The following THSD7B variants were observed in gnomAD, a reference collection of about 807,000 sequenced individuals.
The protein encoded by THSD7B is thrombospondin type 1 domain containing 7B, also known as thrombospondin type-1 domain-containing protein 7B.
Under a neutral mutation model 213.6 loss-of-function variants are expected in THSD7B, and 138 were observed. That is an observed-to-expected ratio of 0.65 (90% CI 0.56 to 0.74). THSD7B has a LOEUF of 0.74. THSD7B is among the 30% of genes least tolerant of loss of function. The pLI is 0.00. For missense variants in THSD7B, 1,931 were observed against 1,991.5 expected, an observed-to-expected ratio of 0.97 and a Z score of 0.58; for synonymous variants, 742 against 687.0, an observed-to-expected ratio of 1.08 and a Z score of -1.25.
chr2:137,110,247 G>T (rs1688324230), intron 4 of THSD7B, among the ~76,000 whole-genome samples: 1 of 152,142 alleles, frequency 6.6e-6, no homozygotes, highest in South Asian at 2.1e-4. Flanking sequence ...CTGTGTCTCT[G>T]TTGTCCTCGG....
At chr2:137,153,425 A>G (rs1437856197) in intron 5 of THSD7B, among the ~76,000 whole-genome samples, 1 of 152,178 alleles carries the variant, frequency 6.6e-6, no homozygotes, top group Non-Finnish European at 1.5e-5. Context: ...TGCTGTGCAT[A>G]TACACACATC....
At chr2:136,843,030 T>C (rs998381557) in intron 1 of THSD7B, among the ~76,000 whole-genome samples, 1 of 152,114 alleles carries the variant, frequency 6.6e-6, no homozygotes, top group African/African-American at 2.4e-5. Context: ...AATGTTATTG[T>C]AATTTTGAAT....
At chr2:137,673,776 A>G (rs1443308290) in intron 27 of THSD7B, among the ~76,000 whole-genome samples, 1 of 152,196 alleles carries the variant, frequency 6.6e-6, no homozygotes, top group Non-Finnish European at 1.5e-5. Flanking sequence ...TCAGTGGTCC[A>G]GAGATTAATA....
chr2:137,457,053 G>A (rs541122271), intron 15 of THSD7B, among the ~76,000 whole-genome samples: 5 of 152,094 alleles, frequency 3.3e-5, no homozygotes, highest in Non-Finnish European at 4.4e-5. Context: ...TTGCCCTGTC[G>A]CCATTTCCAA....
At chr2:137,211,458 AC>A (rs1365808763) in intron 7 of THSD7B, among the ~76,000 whole-genome samples, 32 of 151,898 alleles carry the variant, frequency 2.1e-4, no homozygotes, top group Admixed American at 2.1e-3. Context: ...AAAAAATTAA[AC>A]CATCACATTA....
At chr2:137,431,680 A>T (rs1254376133) in intron 14 of THSD7B, among the ~76,000 whole-genome samples, 1 of 152,188 alleles carries the variant, frequency 6.6e-6, no homozygotes. Context: ...TGGTTTGTAG[A>T]TTATGACACC....
intron 2 of THSD7B, among the ~76,000 whole-genome samples, chr2:136,914,835 C>G (rs1447149966): frequency 6.6e-6 from 1 of 151,908 alleles, no homozygotes; most frequent in Non-Finnish European, 1.5e-5. Context: ...CATCATAAGA[C>G]AGAATTAAAA....
intron 15 of THSD7B, among the ~76,000 whole-genome samples, chr2:137,485,824 G>C (rs1444318709): frequency 6.6e-6 from 1 of 152,150 alleles, no homozygotes; most frequent in Non-Finnish European, 1.5e-5. Flanking sequence ...AGCCAGAAGA[G>C]AGTGGGGGCC....
intron 12 of THSD7B, among the ~76,000 whole-genome samples, chr2:137,380,259 A>AG (rs1685744276): frequency 7.1e-6 from 1 of 141,516 alleles, no homozygotes; most frequent in African/African-American, 3.1e-5. Context: ...AAAAAATAGA[A>AG]AAAAAAAAAA....
At chr2:137,143,426 G>A (rs1293165439) in intron 5 of THSD7B, among the ~76,000 whole-genome samples, 1 of 152,118 alleles carries the variant, frequency 6.6e-6, no homozygotes. Context: ...CAGGCAGCAG[G>A]GTGGAAAGGA....
intron 17 of THSD7B, among the ~76,000 whole-genome samples, chr2:137,599,052 G>A (rs1261486454): frequency 1.0e-5 from 1 of 100,002 alleles, no homozygotes; most frequent in Admixed American, 1.5e-4. Context: ...CCCCACCACA[G>A]TCCCCAGAGT....
At chr2:136,981,841 T>C (rs543777239) in intron 2 of THSD7B, among the ~76,000 whole-genome samples, 85 of 152,272 alleles carry the variant, frequency 5.6e-4, no homozygotes, top group African/African-American at 2.0e-3. Flanking sequence ...CCCACCCCTC[T>C]TTCTTATCTG....
At chr2:137,079,503 A>AT (rs1687698953) in intron 3 of THSD7B, among the ~76,000 whole-genome samples, 1 of 152,084 alleles carries the variant, frequency 6.6e-6, no homozygotes, top group Non-Finnish European at 1.5e-5. Context: ...TTTGTCTTGA[A>AT]TTTTAATTTG....
chr2:137,284,085 T>C (rs1170434729), intron 12 of THSD7B, among the ~76,000 whole-genome samples: 1 of 152,136 alleles, frequency 6.6e-6, no homozygotes, highest in Non-Finnish European at 1.5e-5. Context: ...GAGCCTGTTA[T>C]TGGTCTATTC....
intron 20 of THSD7B, among the ~76,000 whole-genome samples, chr2:137,631,840 A>G (rs893571155): frequency 6.6e-6 from 1 of 152,208 alleles, no homozygotes; most frequent in Admixed American, 6.5e-5. Context: ...AGGATGTCGG[A>G]CCACTCACTC....
chr2:136,900,550 G>A (rs1192573173), intron 2 of THSD7B, among the ~76,000 whole-genome samples: 4 of 152,078 alleles, frequency 2.6e-5, no homozygotes, highest in Non-Finnish European at 5.9e-5. Flanking sequence ...ATTGAGAAGG[G>A]CCTTTTATCA....
intron 17 of THSD7B, among the ~76,000 whole-genome samples, chr2:137,602,553 C>T (rs1205052880): frequency 3.3e-5 from 5 of 152,130 alleles, no homozygotes; most frequent in African/African-American, 1.2e-4. Flanking sequence ...CAGGCGTGAG[C>T]CACCGCGCCC....
chr2:137,193,454 CTT>C (rs1401337374), intron 7 of THSD7B, among the ~76,000 whole-genome samples: 1 of 152,116 alleles, frequency 6.6e-6, no homozygotes, highest in Non-Finnish European at 1.5e-5. Context: ...AATGTACTCT[CTT>C]AGCAATTTTG....
At chr2:137,017,803 C>A (rs1686369955) in intron 2 of THSD7B, among the ~76,000 whole-genome samples, 1 of 151,964 alleles carries the variant, frequency 6.6e-6, no homozygotes, top group Non-Finnish European at 1.5e-5. Flanking sequence ...TCATTTGTAA[C>A]TTTTAAAGAT....
Sources: gnomAD v4.1 joint callset for allele counts (sites outside exome capture counted in the v4.1 genomes callset) on GRCh38, gnomAD v4.1.1 for gene constraint, MANE v1.5 for transcripts, NCBI Gene and HGNC (gene_info 2026-07-23, HGNC 2026-07-21) for gene names.